The following ATP11A variants were observed in gnomAD, a reference collection of about 807,000 sequenced individuals.
ATP11A encodes phospholipid-transporting ATPase IH.
ATP11A carries 81 observed loss-of-function variants against 154.4 expected under a neutral mutation model. The observed-to-expected ratio is 0.52, with a 90% CI of 0.44 to 0.63. The LOEUF (loss-of-function observed/expected upper bound fraction) is 0.63. ATP11A is among the 30% of genes least tolerant of loss of function. The pLI is 0.00. For synonymous variants in ATP11A, 623 were observed against 585.9 expected (o/e 1.06, Z -0.91); for missense variants, 1,316 against 1,474.3 (o/e 0.89, Z 1.76).
Position 112,862,489 on chromosome 13 carries a change from A to G in ATP11A, c.2905A>G (p.Thr969Ala), listed in dbSNP as rs2080141336. ...LLRWRVFIYW[T>A]LLGLFDALVF... Reference sequence around the variant, plus strand: ...GCGCTGGCGCGTGTTCATCTACTGGACGCTCCTGGGACTGTTTGACGCACT... The same window carrying G: ...GCGCTGGCGCGTGTTCATCTACTGGGCGCTCCTGGGACTGTTTGACGCACT... The change falls in exon 25 of 30, where the codon ACG (threonine) becomes GCG (alanine). Residue 969 changes from threonine to alanine, a missense_variant. By Grantham distance (58) the Thr-to-Ala change is moderately conservative. Coordinates refer to ENST00000375645, the MANE Select transcript of ATP11A (RefSeq NM_015205.3). 1 of 1,614,122 alleles carries G rather than the reference A, an allele frequency of 6.2e-7. No homozygotes were observed.
chr13:112,857,444 C>T (rs2079961965), intron 20 of ATP11A, among the ~76,000 whole-genome samples: 2 of 152,098 alleles, frequency 1.3e-5, no homozygotes, highest in South Asian at 4.2e-4. Flanking sequence ...CACATTTGCC[C>T]CTGTATATTT....
At chr13:112,761,800 G>T (rs2076970929) in intron 1 of ATP11A, among the ~76,000 whole-genome samples, 2 of 152,354 alleles carry the variant, frequency 1.3e-5, no homozygotes, top group African/African-American at 4.8e-5. Context: ...TTGTCAGCCG[G>T]TGTGGCCCCG....
At position 112,854,486 on chromosome 13, in the gene ATP11A, G is replaced by A. The variant is rs773707429; in HGVS notation, c.2199G>A (p.Thr733=). ...ACGTCCTGTTCGAGCTGAGCAAGAC[G>A]GTCCTGCGCCACAGCGGGAGCCTGA... ...LHDVLFELSK[T]VLRHSGSLTR... The change falls in exon 19 of 30, where the codon ACG becomes ACA. Residue 733 remains threonine, a synonymous_variant. Transcript: ENST00000375645. The A allele has an allele frequency of 6.8e-6, 11 of 1,612,018 alleles. No individual in the cohort carries two copies. Among genetic ancestry groups the A allele is most frequent in the African/African-American group, 1.3e-5 (1 of 74,844 alleles).
chr13:112,693,717 C>T (rs565397025), intron 1 of ATP11A, among the ~76,000 whole-genome samples: 33 of 152,158 alleles, frequency 2.2e-4, no homozygotes, highest in African/African-American at 7.0e-4. Context: ...TTTGGGAGGC[C>T]GAGGTGGGTG....
At chr13:112,852,099 A>G (rs1349737473) in intron 18 of ATP11A, among the ~76,000 whole-genome samples, 1 of 152,200 alleles carries the variant, frequency 6.6e-6, no homozygotes, top group Non-Finnish European at 1.5e-5. Context: ...TGAGGCCACT[A>G]AGAAACAGTC....
At chr13:112,796,978 C>T (rs141082365) in intron 2 of ATP11A, among the ~76,000 whole-genome samples, 1 of 152,080 alleles carries the variant, frequency 6.6e-6, no homozygotes, top group African/African-American at 2.4e-5. Flanking sequence ...ATAGGTGAAG[C>T]AGGCCAGGCA....
intron 17 of ATP11A, among the ~76,000 whole-genome samples, chr13:112,850,791 C>T (rs1258335506): frequency 1.3e-5 from 2 of 152,162 alleles, no homozygotes; most frequent in Admixed American, 1.3e-4. Flanking sequence ...ATGCTGTAAT[C>T]CATAATGATT....
At chr13:112,818,197 T>C (rs1410768967) in intron 6 of ATP11A, among the ~76,000 whole-genome samples, 1 of 148,562 alleles carries the variant, frequency 6.7e-6, no homozygotes, top group East Asian at 2.0e-4. Flanking sequence ...GTGCGCTTGG[T>C]GACGGGCAGT....
intron 2 of ATP11A, among the ~76,000 whole-genome samples, chr13:112,796,260 G>T (rs1194687247): frequency 6.6e-6 from 1 of 152,192 alleles, no homozygotes; most frequent in African/African-American, 2.4e-5. Flanking sequence ...ACCTAGTGTG[G>T]CAGGCAGAAG....
chr13:112,840,217 T>A (rs1407547715), intron 16 of ATP11A, among the ~76,000 whole-genome samples: 1 of 59,530 alleles, frequency 1.7e-5, no homozygotes, highest in African/African-American at 7.9e-5. Flanking sequence ...AGCCTCAGCC[T>A]CCCCACTCTC....
chr13:112,725,768 C>T (rs1286640564), intron 1 of ATP11A, among the ~76,000 whole-genome samples: 1 of 152,240 alleles, frequency 6.6e-6, no homozygotes, highest in East Asian at 1.9e-4. Context: ...TGACTAAGGA[C>T]AACGTCCCTG....
At chr13:112,845,896 A>G (rs1198840786) in intron 17 of ATP11A, among the ~76,000 whole-genome samples, 8 of 152,190 alleles carry the variant, frequency 5.3e-5, no homozygotes, top group Non-Finnish European at 8.8e-5. Flanking sequence ...GGGCACTCGC[A>G]GTGCTAGTTC....
intron 1 of ATP11A, among the ~76,000 whole-genome samples, chr13:112,694,548 G>A (rs985528730): frequency 2.9e-4 from 44 of 152,284 alleles, no homozygotes; most frequent in African/African-American, 9.4e-4. Context: ...TGAGCATCCC[G>A]GCGTGGGCAG....
chr13:112,744,192 A>G (rs989468894), intron 1 of ATP11A, among the ~76,000 whole-genome samples: 1 of 152,106 alleles, frequency 6.6e-6, no homozygotes, highest in African/African-American at 2.4e-5. Flanking sequence ...CCGGTTTGGG[A>G]CGGTCTGGGA....
In ATP11A at chr13:112,754,568, G is replaced by GC. The variant is rs141858971; in HGVS notation, c.40-30560dup. On this transcript the variant is annotated intron_variant, in intron 1 of 29. Transcript: ENST00000375645. This position sits in a 1 kb window ranked among gnomAD's most constrained non-coding sequence, Gnocchi z 5.3. ...CACTGCGGCTCCTGTGCTCCACGCT[G>GC]CCCCCCCGAGAGGCAGAACTTTCTC... 0.013 allele frequency: 2,030 copies of GC among 158,722 alleles called. 41 individuals carry two copies. The highest frequency in any genetic ancestry group is 0.039 in the African/African-American group (1,634 of 41,564). The allele number at this position is 158,722 out of a possible 1,614,324, so 9.8% of individuals were successfully genotyped here.
intron 1 of ATP11A, among the ~76,000 whole-genome samples, chr13:112,749,480 T>C (rs1224133016): frequency 6.6e-6 from 1 of 152,252 alleles, no homozygotes; most frequent in Non-Finnish European, 1.5e-5. Flanking sequence ...TTGCAACTTG[T>C]TGAGTATTAA....
intron 1 of ATP11A, among the ~76,000 whole-genome samples, chr13:112,755,913 G>A (rs2076815636): frequency 8.8e-6 from 1 of 114,142 alleles, no homozygotes; most frequent in East Asian, 2.5e-4. Flanking sequence ...TTCCCGTCAC[G>A]GAAGCGGCAC....
intron 1 of ATP11A, among the ~76,000 whole-genome samples, chr13:112,712,424 C>G (rs889934853): frequency 1.3e-5 from 2 of 152,184 alleles, no homozygotes; most frequent in African/African-American, 4.8e-5. Context: ...TTCATTGTGC[C>G]ACACCAGCCT....
intron 17 of ATP11A, among the ~76,000 whole-genome samples, chr13:112,843,770 G>T (rs1025612430): frequency 2.6e-5 from 4 of 152,206 alleles, no homozygotes; most frequent in African/African-American, 9.7e-5. Flanking sequence ...GCGAGCCCGT[G>T]CGTGCAGCAG....
Sources: allele counts gnomAD v4.1 joint callset (sites outside exome capture counted in the v4.1 genomes callset), GRCh38; gene constraint gnomAD v4.1.1; non-coding constraint Gnocchi (gnomAD v3.1); transcripts MANE v1.5; gene names NCBI Gene and HGNC (gene_info 2026-07-23, HGNC 2026-07-21).